SUMF1: variants seen among roughly 807,000 people sequenced by gnomAD.
The protein encoded by SUMF1 is formylglycine-generating enzyme.
SUMF1 carries 48 observed loss-of-function variants against 47.6 expected under a neutral mutation model. The observed-to-expected ratio is 1.01, with a 90% CI of 0.80 to 1.28. SUMF1 has a LOEUF of 1.28. Ranked by LOEUF, SUMF1 falls within the 50% of genes most tolerant of loss-of-function variation. SUMF1 has a pLI of 0.00. For missense variants in SUMF1, 571 were observed against 485.4 expected, an observed-to-expected ratio of 1.18 and a Z score of -1.66; for synonymous variants, 230 against 192.1, an observed-to-expected ratio of 1.20 and a Z score of -1.63.
rs191521785 is a variant in SUMF1 at position 4,131,258 on chromosome 3, T to C, written c.1015-62513A>G. Among the ~76,000 whole-genome samples the C allele has an allele frequency of 2.6e-4, 40 of 152,240 alleles. 1 individual carries two copies. The highest frequency in any genetic ancestry group is 6.5e-4 in the Admixed American group (10 of 15,290). ...TTCATGACTGGGCTAGAGCAGGTCA[T>C]GAAGGCACAAGTAAGTTACATAAGG... On this transcript the variant is annotated intron_variant and NMD_transcript_variant, in intron 8 of 12. Transcript: ENST00000448413.
At chr3:4,176,759 T>C (rs1037689829) in intron 8 of SUMF1, among the ~76,000 whole-genome samples, 1 of 151,634 alleles carries the variant, frequency 6.6e-6, no homozygotes, top group East Asian at 1.9e-4. Context: ...GGATAAAGAG[T>C]CAAGACCCAT....
At chr3:4,351,126 C>A (rs1157537847) in intron 8 of SUMF1, among the ~76,000 whole-genome samples, 4 of 152,204 alleles carry the variant, frequency 2.6e-5, no homozygotes, top group South Asian at 4.1e-4. Flanking sequence ...CAATGTGATT[C>A]AGCCTTTGGC....
At chr3:4,394,108 G>A (rs1397860555) in intron 7 of SUMF1, among the ~76,000 whole-genome samples, 3 of 151,994 alleles carry the variant, frequency 2.0e-5, no homozygotes, top group African/African-American at 7.2e-5. Flanking sequence ...TACCATTATA[G>A]TTTTGTTTTT....
chr3:4,358,208 C>T (rs188795600), downstream of SUMF1, among the ~76,000 whole-genome samples: 1 of 152,252 alleles, frequency 6.6e-6, no homozygotes, highest in Admixed American at 6.5e-5. Flanking sequence ...ATACACCTTG[C>T]TTCTCACTCA....
chr3:4,276,780 G>C (rs1043160999), intron 8 of SUMF1, among the ~76,000 whole-genome samples: 3 of 152,032 alleles, frequency 2.0e-5, no homozygotes, highest in Non-Finnish European at 1.5e-5. Context: ...TCTTTCTTTA[G>C]TGGCTTTTTA....
intron 8 of SUMF1, chr3:4,316,290 G>A (rs758181878): frequency 3.8e-6 from 4 of 1,040,012 alleles, no homozygotes; most frequent in South Asian, 2.7e-5. Context: ...TAAAGCAGCA[G>A]AAACAACTCG....
chr3:4,230,883 C>T (rs1242805), intron 8 of SUMF1, among the ~76,000 whole-genome samples: 91,252 of 151,928 alleles, frequency 0.6, 28,059 homozygotes, highest in African/African-American at 0.7. Flanking sequence ...GGGGACCAAA[C>T]ACATATTTTT....
At chr3:4,103,835 G>T (rs1693094725) in intron 8 of SUMF1, among the ~76,000 whole-genome samples, 1 of 152,146 alleles carries the variant, frequency 6.6e-6, no homozygotes. Context: ...GGAAACAGCT[G>T]ATAGAAGAAT....
intron 7 of SUMF1, among the ~76,000 whole-genome samples, chr3:4,382,357 T>A (rs1490098300): frequency 4.9e-5 from 6 of 122,298 alleles, no homozygotes; most frequent in African/African-American, 2.2e-4. Context: ...CACACACACA[T>A]CCTACCTAAA....
At chr3:4,407,390 T>G (rs1488901362) in intron 7 of SUMF1, among the ~76,000 whole-genome samples, 1 of 152,196 alleles carries the variant, frequency 6.6e-6, no homozygotes, top group African/African-American at 2.4e-5. Flanking sequence ...AGAACTAACA[T>G]AAATACATAA....
At chr3:4,360,536 TTGGCCAAGCTAATCTCGAACTCC>T (rs537395889), downstream of SUMF1, among the ~76,000 whole-genome samples, 22 of 152,238 alleles carry the variant, frequency 1.4e-4, no homozygotes, top group Admixed American at 1.2e-3. Flanking sequence ...TTTTGGCATG[TTGGCCAAGCTAATCTCGAACTCC>T]TGACCTTGAG....
At chr3:4,104,558 G>T (rs1336410321) in intron 8 of SUMF1, among the ~76,000 whole-genome samples, 3 of 152,008 alleles carry the variant, frequency 2.0e-5, no homozygotes, top group African/African-American at 7.3e-5. Flanking sequence ...AGGAAGGAGA[G>T]AGAGAGGTCA....
chr3:4,398,194 G>A (rs538207335), intron 7 of SUMF1, among the ~76,000 whole-genome samples: 1 of 152,182 alleles, frequency 6.6e-6, no homozygotes, highest in East Asian at 1.9e-4. Flanking sequence ...ACCCACCGAG[G>A]TGGGTTTGCT....
chr3:4,161,061 A>G (rs979894756), intron 8 of SUMF1, among the ~76,000 whole-genome samples: 1 of 152,180 alleles, frequency 6.6e-6, no homozygotes, highest in Non-Finnish European at 1.5e-5. Flanking sequence ...CCCCAAGCCC[A>G]GTAATGCTCA....
chr3:4,451,944 A>G (rs1297678063), intron 2 of SUMF1, among the ~76,000 whole-genome samples: 23 of 152,084 alleles, frequency 1.5e-4, no homozygotes, highest in Admixed American at 1.4e-3. Context: ...CAGCCTCCCA[A>G]CGTGCTGAGA....
At chr3:4,451,228 C>G (rs1455384098) in intron 2 of SUMF1, among the ~76,000 whole-genome samples, 1 of 151,658 alleles carries the variant, frequency 6.6e-6, no homozygotes, top group African/African-American at 2.4e-5. Flanking sequence ...TCATAATTAT[C>G]ATATTTCAAA....
chr3:4,130,004 G>A (rs1241182881), intron 8 of SUMF1, among the ~76,000 whole-genome samples: 3 of 152,120 alleles, frequency 2.0e-5, no homozygotes, highest in Non-Finnish European at 4.4e-5. Flanking sequence ...AGACATTAGA[G>A]CTGCCCCTAC....
intron 8 of SUMF1, among the ~76,000 whole-genome samples, chr3:4,111,956 T>C (rs180919255): frequency 1.6e-4 from 25 of 152,240 alleles, no homozygotes; most frequent in African/African-American, 6.0e-4. Flanking sequence ...CAAAGTGGTG[T>C]AGATATTAGG....
chr3:4,343,158 G>A (rs373842810), intron 8 of SUMF1, among the ~76,000 whole-genome samples: 3 of 152,226 alleles, frequency 2.0e-5, no homozygotes, highest in South Asian at 4.1e-4. Context: ...CATGGAGATG[G>A]GAGATGGGAG....
Sources: allele counts gnomAD v4.1 joint callset (sites outside exome capture counted in the v4.1 genomes callset), GRCh38; gene constraint gnomAD v4.1.1; transcripts MANE v1.5; gene names NCBI Gene and HGNC (gene_info 2026-07-23, HGNC 2026-07-21).